SLC39A8: variants seen among roughly 807,000 people sequenced by gnomAD.
SLC39A8 encodes the protein metal cation symporter ZIP8.
A neutral mutation model predicts 40.4 loss-of-function variants in SLC39A8; 15 were observed. The ratio of observed to expected loss-of-function variants is 0.37; its 90% CI spans 0.25 to 0.57. The LOEUF is 0.57. SLC39A8 is among the 20% of genes least tolerant of loss of function. The pLI is 0.75. For missense variants in SLC39A8, 472 were observed against 558.8 expected (o/e 0.84, Z 1.57); for synonymous variants, 223 against 221.6 (o/e 1.01, Z -0.06).
At chr4:102,309,255 C>A (rs1176077492) in intron 3 of SLC39A8, among the ~76,000 whole-genome samples, 1 of 152,038 alleles carries the variant, frequency 6.6e-6, no homozygotes, top group African/African-American at 2.4e-5. Flanking sequence ...AACACACACA[C>A]AGAGTGATAC....
chr4:102,269,088 A>G (rs1732234841), intron 6 of SLC39A8, among the ~76,000 whole-genome samples: 1 of 152,216 alleles, frequency 6.6e-6, no homozygotes, highest in Non-Finnish European at 1.5e-5. Context: ...ATACACAGAA[A>G]TGGAAAACAC....
chr4:102,290,109 A>C (rs10014083), intron 6 of SLC39A8, among the ~76,000 whole-genome samples: 4 of 152,014 alleles, frequency 2.6e-5, no homozygotes, highest in Non-Finnish European at 5.9e-5. Context: ...TTCAGCAACC[A>C]CCACCCTGGT....
chr4:102,329,943 G>A (rs184182239), intron 2 of SLC39A8, among the ~76,000 whole-genome samples: 27 of 152,226 alleles, frequency 1.8e-4, no homozygotes, highest in Admixed American at 1.4e-3. Flanking sequence ...GGGTAATAAC[G>A]AAATTAACGC....
At chr4:102,274,196 A>G (rs1342471435) in intron 6 of SLC39A8, among the ~76,000 whole-genome samples, 3 of 152,078 alleles carry the variant, frequency 2.0e-5, no homozygotes, top group Admixed American at 2.0e-4. Flanking sequence ...GAACCTAAGA[A>G]CCTTGAAAAA....
intron 6 of SLC39A8, among the ~76,000 whole-genome samples, chr4:102,284,967 C>A (rs948702250): frequency 6.6e-5 from 10 of 152,098 alleles, no homozygotes; most frequent in African/African-American, 2.4e-4. Context: ...CCAATGTAAT[C>A]TCTATTGGTG....
At chr4:102,313,918 G>T (rs555087008) in intron 3 of SLC39A8, among the ~76,000 whole-genome samples, 32 of 152,000 alleles carry the variant, frequency 2.1e-4, no homozygotes, top group African/African-American at 7.5e-4. Context: ...CTCTAGACTG[G>T]CAAATCCCCA....
At chr4:102,309,390 C>T (rs1734326960) in intron 3 of SLC39A8, among the ~76,000 whole-genome samples, 1 of 152,032 alleles carries the variant, frequency 6.6e-6, no homozygotes, top group East Asian at 1.9e-4. Context: ...CTATCAGTTG[C>T]AGGTCCTGGC....
chr4:102,303,092 CT>C (rs1169350690), intron 6 of SLC39A8, among the ~76,000 whole-genome samples: 5 of 151,552 alleles, frequency 3.3e-5, no homozygotes, highest in Admixed American at 6.6e-5. Context: ...ATTTTTTTTG[CT>C]TTTTTTCCCC....
At chr4:102,288,124 A>G (rs139110844) in intron 6 of SLC39A8, among the ~76,000 whole-genome samples, 81 of 152,288 alleles carry the variant, frequency 5.3e-4, no homozygotes, top group Non-Finnish European at 9.9e-4. Context: ...GCAACCCTGC[A>G]TTGAGCAAGT....
chr4:102,307,662 G>A, intron 3 of SLC39A8, 57 bp from the exon 4 acceptor site: 1 of 1,538,812 alleles, frequency 6.5e-7, no homozygotes, highest in Non-Finnish European at 8.8e-7. Flanking sequence ...ACCAAATGAT[G>A]TTTTCCTGTA....
rs1731910184 is a variant in SLC39A8, at chr4:102,262,539, C to A, written c.*505G>T. ...TGAGAAATCTTTTTTTTCTTTGGCT[C>A]CTTAAAGACTTGGAATAATTTATAT... On this transcript the variant is annotated 3_prime_UTR_variant, in exon 9 of 9. Transcript: ENST00000356736. 1.0e-6 allele frequency: 1 copy of A among 985,066 alleles called. No individual in the cohort carries two copies. The highest frequency in any genetic ancestry group is 4.7e-5 in the South Asian group (1 of 21,280). The allele number at this position is 985,066 out of a possible 1,614,324, so 61.0% of individuals were successfully genotyped here. A position where few individuals can be genotyped will look rare whatever the true frequency, so the allele number is the denominator to read the frequency against.
intron 8 of SLC39A8, among the ~76,000 whole-genome samples, chr4:102,265,918 C>T (rs895176658): frequency 6.6e-5 from 10 of 152,198 alleles, no homozygotes; most frequent in African/African-American, 2.2e-4. Context: ...TTCACATCTA[C>T]CATCACCTGT....
chr4:102,283,447 C>G (rs1732998266), intron 6 of SLC39A8, among the ~76,000 whole-genome samples: 1 of 152,192 alleles, frequency 6.6e-6, no homozygotes, highest in African/African-American at 2.4e-5. Flanking sequence ...TTGCCAGTCT[C>G]CATCCTGGAA....
rs897185861 is a variant in SLC39A8 at position 102,262,422 on chromosome 4, T to C, written c.*622A>G. ...CTGAACTTAGCAGGGCTAGCAAAACTTTATTTATTTCCTAACTCCTATTAT... is the reference window on the plus strand; with the variant it reads ...CTGAACTTAGCAGGGCTAGCAAAACCTTATTTATTTCCTAACTCCTATTAT... On this transcript the variant is annotated 3_prime_UTR_variant, in exon 9 of 9. Coordinates refer to ENST00000356736, the MANE Select transcript of SLC39A8 (RefSeq NM_001135146.2). 2.0e-6 allele frequency: 2 copies of C among 985,370 alleles called. No homozygotes were observed. The highest frequency in any genetic ancestry group is 3.5e-5 in the African/African-American group (2 of 57,234). The allele number at this position is 985,370 out of a possible 1,614,324, so 61.0% of individuals were successfully genotyped here.
chr4:102,315,141 A>G (rs1734601533), intron 3 of SLC39A8, among the ~76,000 whole-genome samples: 1 of 152,152 alleles, frequency 6.6e-6, no homozygotes, highest in African/African-American at 2.4e-5. Context: ...TCATACCGTT[A>G]AAGTACATAT....
intron 2 of SLC39A8, among the ~76,000 whole-genome samples, chr4:102,336,189 G>A (rs928849654): frequency 2.6e-5 from 4 of 152,190 alleles, no homozygotes; most frequent in African/African-American, 9.7e-5. Flanking sequence ...TATGTTAAAT[G>A]CTCAATAAAT....
At chr4:102,284,745 C>T (rs938593710) in intron 6 of SLC39A8, among the ~76,000 whole-genome samples, 1 of 152,094 alleles carries the variant, frequency 6.6e-6, no homozygotes. Flanking sequence ...ACTATTTTTG[C>T]AAAAGTGATG....
Position 102,262,743 on chromosome 4 carries a change from T to C in SLC39A8, c.*301A>G. ...CCCTGAGTCTGAGTGTCTACATGATTATAGAATGCATGTCTCTTGCTTCAT... is the reference window on the plus strand; with the variant it reads ...CCCTGAGTCTGAGTGTCTACATGATCATAGAATGCATGTCTCTTGCTTCAT... On this transcript the variant is annotated 3_prime_UTR_variant, in exon 9 of 9. Transcript: ENST00000356736. The C allele has an allele frequency of 1.3e-5, 14 of 1,067,178 alleles. No individual in the cohort carries two copies. Among genetic ancestry groups the C allele is most frequent in the Non-Finnish European group, 1.6e-5 (14 of 882,024 alleles). 66.1% of individuals were successfully genotyped at this position (1,067,178 alleles called of 1,614,324 possible).
chr4:102,294,540 C>T, intron 6 of SLC39A8, among the ~76,000 whole-genome samples: 1 of 152,040 alleles, frequency 6.6e-6, no homozygotes, highest in East Asian at 1.9e-4. Flanking sequence ...AATCCCCCTA[C>T]CCTTGATGTT....
Sources: gnomAD v4.1 joint callset for allele counts (sites outside exome capture counted in the v4.1 genomes callset) on GRCh38, gnomAD v4.1.1 for gene constraint, MANE v1.5 for transcripts, NCBI Gene and HGNC (gene_info 2026-07-23, HGNC 2026-07-21) for gene names.